The following GRAMD1B variants were observed in gnomAD, a reference collection of about 807,000 sequenced individuals.
GRAMD1B encodes the protein protein Aster-B.
Under a neutral mutation model 99.7 loss-of-function variants are expected in GRAMD1B, and 37 were observed. That is an observed-to-expected ratio of 0.37 (90% confidence interval 0.29 to 0.49). The LOEUF (loss-of-function observed/expected upper bound fraction) is 0.49. Among genes scored for constraint, GRAMD1B ranks in the 20% least tolerant of loss-of-function variants. The probability of loss-of-function intolerance (pLI) is 0.98; values close to 1 mark genes in which losing one functional copy is unlikely to be tolerated. For missense variants in GRAMD1B, 888 were observed against 1,009.2 expected (o/e 0.88, Z 1.63); for synonymous variants, 427 against 387.6 (o/e 1.10, Z -1.19).
intron 1 of GRAMD1B, among the ~76,000 whole-genome samples, chr11:123,469,805 T>C (rs1950916107): frequency 6.6e-6 from 1 of 151,132 alleles, no homozygotes; most frequent in South Asian, 2.1e-4. Context: ...CCTTCCTTCC[T>C]TCCTTCCTCT....
chr11:123,622,429 TG>T, intron 19 of GRAMD1B, 76 bp from the exon 20 acceptor site: 1 of 869,364 alleles, frequency 1.2e-6, no homozygotes, highest in East Asian at 2.7e-5. Context: ...TAGGCGGGTG[TG>T]GGGAGAGGGC....
upstream of GRAMD1B, among the ~76,000 whole-genome samples, chr11:123,429,195 AAAAAC>A (rs773581272): frequency 1.3e-5 from 2 of 152,048 alleles, no homozygotes; most frequent in Admixed American, 6.6e-5. This position sits in a 1 kb window ranked among gnomAD's most constrained non-coding sequence, Gnocchi z 4.0. Context: ...TTTGTCTCTT[AAAAAC>A]AAAACAAAAC....
chr11:123,429,238 T>C (rs541458164), upstream of GRAMD1B, among the ~76,000 whole-genome samples: 1 of 152,070 alleles, frequency 6.6e-6, no homozygotes, highest in South Asian at 2.1e-4. The surrounding 1 kb of genome is among the most constrained non-coding windows in gnomAD (Gnocchi z 4.0). Flanking sequence ...AAGAGACAAA[T>C]GCATTGGGCT....
At chr11:123,447,960 C>G (rs1027492745) in intron 1 of GRAMD1B, among the ~76,000 whole-genome samples, 3 of 152,136 alleles carry the variant, frequency 2.0e-5, no homozygotes, top group African/African-American at 7.2e-5. Flanking sequence ...AAGGGCTGCT[C>G]TCATCTGTAT....
At chr11:123,598,713 G>A in intron 7 of GRAMD1B, 2 of 932,762 alleles carry the variant, frequency 2.1e-6, no homozygotes, top group Non-Finnish European at 3.6e-6. Context: ...GGAGAATGCA[G>A]AGAGGTCAAG....
intron 7 of GRAMD1B, chr11:123,599,513 C>T (rs535469171): frequency 2.2e-5 from 12 of 548,966 alleles, no homozygotes; most frequent in Non-Finnish European, 4.2e-5. Flanking sequence ...CACTCTGTCA[C>T]CCAGGCTGGA....
At chr11:123,435,341 A>T in intron 1 of GRAMD1B, 2 of 688,164 alleles carry the variant, frequency 2.9e-6, no homozygotes, top group South Asian at 3.1e-5. Flanking sequence ...TGAGAGGGCC[A>T]TAGCTTGTGG....
At position 123,546,005 on chromosome 11, in the gene GRAMD1B, C is replaced by T. The variant is rs1397744175; in HGVS notation, c.453-31362C>T. 2.6e-5 allele frequency among the ~76,000 whole-genome samples: 4 copies of T among 152,228 alleles called. No individual in the cohort carries two copies. In the East Asian group the frequency reaches 7.7e-4, roughly 29 times the overall value. ...AAAATCCCTTCCTGGTTTCCACCAC[C>T]AGGCAATGTGGACAGCATCGGCAAG... On this transcript the variant is annotated intron_variant, in intron 2 of 19. Transcript: ENST00000635736.
chr11:123,565,786 C>T (rs949336921), intron 2 of GRAMD1B, among the ~76,000 whole-genome samples: 8 of 152,300 alleles, frequency 5.3e-5, no homozygotes, highest in South Asian at 4.2e-4. Context: ...TAGATCAGCT[C>T]AGCCAACACC....
rs72552187 is a variant in GRAMD1B, at chr11:123,627,641, G to T, written c.*5046G>T. 1 of 152,254 alleles carries T rather than the reference G, an allele frequency of 6.6e-6. No individual in the cohort carries two copies. Among genetic ancestry groups the T allele is most frequent in the Non-Finnish European group, 1.5e-5 (1 of 68,048 alleles). The allele number at this position is 152,254 out of a possible 1,614,324, so 9.4% of individuals were successfully genotyped here. On this transcript the variant is annotated 3_prime_UTR_variant, in exon 20 of 20. Coordinates refer to ENST00000635736, the MANE Select transcript of GRAMD1B (RefSeq NM_001387025.1). ...AACTGTACTTTGCCTGGCGCTGTGC[G>T]CAAGGTCAGAAAACTTACTGCTAGT...
intron 1 of GRAMD1B, among the ~76,000 whole-genome samples, chr11:123,419,761 A>AAGAGAG (rs1491029993): frequency 9.6e-6 from 1 of 103,694 alleles, no homozygotes; most frequent in African/African-American, 3.5e-5. Context: ...GAGAAAGAGA[A>AAGAGAG]AGAGAGAGAG....
chr11:123,523,748 A>G (rs1942421945), intron 2 of GRAMD1B, among the ~76,000 whole-genome samples: 1 of 152,210 alleles, frequency 6.6e-6, no homozygotes, highest in Non-Finnish European at 1.5e-5. Flanking sequence ...ATGACCTGGT[A>G]TTTCCATTGA....
chr11:123,549,765 G>A (rs1945431430), intron 2 of GRAMD1B, among the ~76,000 whole-genome samples: 2 of 152,112 alleles, frequency 1.3e-5, no homozygotes, highest in African/African-American at 4.8e-5. Flanking sequence ...CAGCATGTCA[G>A]TAACTCCTCC....
upstream of GRAMD1B, among the ~76,000 whole-genome samples, chr11:123,429,416 T>C (rs749608978): frequency 5.3e-5 from 8 of 152,076 alleles, no homozygotes; most frequent in Non-Finnish European, 1.0e-4. The surrounding 1 kb of genome is among the most constrained non-coding windows in gnomAD (Gnocchi z 4.0). Context: ...CTTGGGATGC[T>C]ACCAGGACTG....
chr11:123,484,669 C>G (rs889875143), intron 2 of GRAMD1B, among the ~76,000 whole-genome samples: 16 of 152,102 alleles, frequency 1.1e-4, no homozygotes. Context: ...GACCGGCCCC[C>G]CCTCCAACCC....
intron 2 of GRAMD1B, among the ~76,000 whole-genome samples, chr11:123,569,599 A>C (rs1387796233): frequency 6.6e-6 from 1 of 152,220 alleles, no homozygotes; most frequent in Non-Finnish European, 1.5e-5. Context: ...ATTTCATGCA[A>C]ATGTTATACA....
intron 2 of GRAMD1B, among the ~76,000 whole-genome samples, chr11:123,488,187 A>G (rs1282301938): frequency 6.6e-6 from 1 of 152,074 alleles, no homozygotes; most frequent in Admixed American, 6.6e-5. Flanking sequence ...CTCCACTTTC[A>G]TGATTTACGG....
intron 1 of GRAMD1B, among the ~76,000 whole-genome samples, chr11:123,384,013 G>A (rs1946976078): frequency 6.6e-6 from 1 of 152,002 alleles, no homozygotes; most frequent in Admixed American, 6.6e-5. Context: ...TGGGATTACA[G>A]GCATGCACCA....
rs1938633511 is a variant in GRAMD1B, at chr11:123,492,257, T to C, written c.452+11364T>C. Among the ~76,000 whole-genome samples, 1 of 152,120 alleles carries C rather than the reference T, an allele frequency of 6.6e-6. No homozygotes were observed. On this transcript the variant is annotated intron_variant, in intron 2 of 19. Transcript: ENST00000635736. The surrounding 1 kb of genome is among the most constrained non-coding windows in gnomAD (Gnocchi z 4.2). Reference sequence around the variant, plus strand: ...CAGTCCATAAAGAACTTGGAAATCCTGAGAAAGGTGCGGTAGGGAACAGTG... The same window carrying C: ...CAGTCCATAAAGAACTTGGAAATCCCGAGAAAGGTGCGGTAGGGAACAGTG...
Sources: gnomAD v4.1 joint callset for allele counts (sites outside exome capture counted in the v4.1 genomes callset) on GRCh38, gnomAD v4.1.1 for gene constraint, Gnocchi (gnomAD v3.1) non-coding constraint, MANE v1.5 for transcripts, NCBI Gene and HGNC (gene_info 2026-07-23, HGNC 2026-07-21) for gene names.